CFI: variants seen among roughly 807,000 people sequenced by gnomAD.
CFI encodes complement factor I.
CFI carries 66 observed loss-of-function variants against 78.8 expected under a neutral mutation model. That is an observed-to-expected ratio of 0.84 (90% CI 0.69 to 1.03). The LOEUF is 1.03. CFI is among the 50% of genes least tolerant of loss of function. The pLI, the probability that CFI is intolerant of heterozygous loss-of-function variation, is 0.00. For synonymous variants in CFI, 250 were observed against 232.6 expected (o/e 1.07, Z -0.68); for missense variants, 706 against 704.5 (o/e 1.00, Z -0.02).
At chr4:109,786,264 C>T (rs1423521685) in intron 1 of CFI, among the ~76,000 whole-genome samples, 1 of 152,098 alleles carries the variant, frequency 6.6e-6, no homozygotes, top group African/African-American at 2.4e-5. Context: ...CTCCTGACCT[C>T]CATTAATCCA....
chr4:109,772,907 T>C (rs768042412), intron 1 of CFI, among the ~76,000 whole-genome samples: 23 of 152,158 alleles, frequency 1.5e-4, no homozygotes, highest in Non-Finnish European at 3.4e-4. Flanking sequence ...ATGTTTAGTT[T>C]TGTGGTAAAC....
At chr4:109,775,707 T>C (rs899029493) in intron 1 of CFI, among the ~76,000 whole-genome samples, 1 of 152,140 alleles carries the variant, frequency 6.6e-6, no homozygotes, top group Non-Finnish European at 1.5e-5. Context: ...CTCAAGTGGG[T>C]TCATGACCCC....
At chr4:109,781,500 A>G (rs6815712) in intron 1 of CFI, among the ~76,000 whole-genome samples, 9,557 of 152,218 alleles carry the variant, frequency 0.063, 416 homozygotes, top group Non-Finnish European at 0.094. Flanking sequence ...AATCAGCCAT[A>G]TTGAAATGGT....
chr4:109,779,932 A>G (rs1729781945), intron 1 of CFI, among the ~76,000 whole-genome samples: 1 of 152,212 alleles, frequency 6.6e-6, no homozygotes, highest in Non-Finnish European at 1.5e-5. Flanking sequence ...AGCCATAAGT[A>G]GAAAGCTGAA....
intron 11 of CFI, among the ~76,000 whole-genome samples, chr4:109,745,569 A>G (rs965039218): frequency 6.6e-6 from 1 of 152,226 alleles, no homozygotes; most frequent in African/African-American, 2.4e-5. Context: ...CTGAGTGTCC[A>G]CATCTTTTAT....
rs771843188 is a variant in CFI at position 109,761,575 on chromosome 4, C to G, written c.600G>C (p.Lys200Asn). The change falls in exon 4 of 13, where the codon AAG becomes AAC. Residue 200 changes from lysine to asparagine, a missense_variant. By Grantham distance (94) the Lys-to-Asn change is moderately conservative. Coordinates refer to ENST00000394634, the MANE Select transcript of CFI (RefSeq NM_000204.5). ...AATCCTGGTAACCCATAGTTCTTCT[C>G]TTAGTAAAAGTACATTCAGCCAAAC... ...ETSLAECTFT[K>N]RRTMGYQDFA... The G allele has an allele frequency of 6.2e-7, 1 of 1,614,126 alleles. No homozygotes were observed. The highest frequency in any genetic ancestry group is 2.2e-5 in the East Asian group (1 of 44,870).
At position 109,791,180 on chromosome 4, in the gene CFI, G is replaced by A. The variant is rs189638033; in HGVS notation, c.57+10735C>T. On this transcript the variant is annotated intron_variant, in intron 1 of 12. Transcript: ENST00000394634. ...TGGTATTTCATTGTGGTTTTAATTT[G>A]CATTTATCCAGTGATCACTGATGTT... Among the ~76,000 whole-genome samples, 693 of 152,056 alleles carry A rather than the reference G, an allele frequency of 4.6e-3. 2 individuals are homozygous for A. The highest frequency in any genetic ancestry group is 0.012 in the Admixed American group (187 of 15,274).
intron 1 of CFI, among the ~76,000 whole-genome samples, chr4:109,770,299 C>T (rs539898935): frequency 4.6e-5 from 7 of 152,134 alleles, no homozygotes; most frequent in Non-Finnish European, 7.4e-5. Flanking sequence ...GTGGCTCACG[C>T]CTGTAATCCC....
At chr4:109,754,049 TCTC>T in intron 7 of CFI, among the ~76,000 whole-genome samples, 1 of 151,396 alleles carries the variant, frequency 6.6e-6, no homozygotes, top group East Asian at 1.9e-4. Flanking sequence ...GGTGGCACGA[TCTC>T]GGCTCACTGC....
At chr4:109,756,461 G>T (rs941640258) in intron 7 of CFI, among the ~76,000 whole-genome samples, 10 of 151,622 alleles carry the variant, frequency 6.6e-5, no homozygotes, top group African/African-American at 2.4e-4. Flanking sequence ...GGAGGAAGAG[G>T]AGGAGGAGGA....
At position 109,800,323 on chromosome 4, in the gene CFI, T is replaced by G. The variant is rs867234892; in HGVS notation, c.57+1592A>C. Among the ~76,000 whole-genome samples the G allele has an allele frequency of 6.2e-3, 82 of 13,150 alleles. 1 individual carries two copies. The highest frequency in any genetic ancestry group is 9.7e-3 in the African/African-American group (79 of 8,114). The allele number at this position is 13,150 out of a possible 152,430, so 8.6% of individuals were successfully genotyped here. ...TGACTGAAATATTTGGCTTCTCTGT[T>G]TTTTTTTTTTTTTTTTTTTTTTTTT... On this transcript the variant is annotated intron_variant, in intron 1 of 12. Transcript: ENST00000394634.
chr4:109,774,766 A>G (rs1407072005), intron 1 of CFI, among the ~76,000 whole-genome samples: 1 of 152,202 alleles, frequency 6.6e-6, no homozygotes, highest in African/African-American at 2.4e-5. Flanking sequence ...AGATGGCACA[A>G]AAGCAATAAA....
chr4:109,771,930 G>T (rs1199208169), intron 1 of CFI, among the ~76,000 whole-genome samples: 2 of 151,644 alleles, frequency 1.3e-5, no homozygotes, highest in African/African-American at 2.4e-5. Context: ...AGAGAGAGGG[G>T]GAAATTGTTG....
At chr4:109,757,817 G>C (rs1375974989) in intron 6 of CFI, 34 bp from the exon 7 acceptor site, 7 of 1,299,408 alleles carry the variant, frequency 5.4e-6, no homozygotes, top group Non-Finnish European at 7.2e-6. Flanking sequence ...TTTATCAAAG[G>C]ATAATTTTTG....
rs200809675 is a variant in CFI at position 109,779,954 on chromosome 4, TCCTTATAAGGTGTATATTTACA to T, written c.58-13152_58-13131del. ...AGTAGAAAGCTGAAACTGGATCCCT[TCCTTATAAGGTGTATATTTACA>T]CCTTATAAAAAATTAATTCAAGATG... On this transcript the variant is annotated intron_variant, in intron 1 of 12. Transcript: ENST00000394634. Among the ~76,000 whole-genome samples the T allele has an allele frequency of 9.0e-3, 1,365 of 152,116 alleles. 55 individuals are homozygous for T. The East Asian group carries it at 0.13, about 14-fold the overall frequency.
chr4:109,752,529 G>T, intron 7 of CFI, 26 bp from the exon 8 acceptor site: 1 of 1,579,706 alleles, frequency 6.3e-7, no homozygotes, highest in Non-Finnish European at 8.7e-7. Flanking sequence ...AGATTCCAAT[G>T]TTTAAAGTTG....
chr4:109,772,839 C>A (rs1429030924), intron 1 of CFI, among the ~76,000 whole-genome samples: 1 of 152,158 alleles, frequency 6.6e-6, no homozygotes, highest in African/African-American at 2.4e-5. Context: ...CCATCTCAGC[C>A]TCCCAACATG....
At chr4:109,761,097 CA>C (rs776124892) in intron 4 of CFI, among the ~76,000 whole-genome samples, 13 of 152,114 alleles carry the variant, frequency 8.5e-5, no homozygotes, top group Non-Finnish European at 1.8e-4. Flanking sequence ...ATTCCAGTGT[CA>C]GGAAGGAGGA....
Position 109,801,986 on chromosome 4 carries a change from G to T in CFI, c.-15C>A. On this transcript the variant is annotated 5_prime_UTR_variant, in exon 1 of 13. Transcript: ENST00000394634. ...AGAAGCTTCATGTTGGAGGTGTTCGGGGTCTTTGTCTCTGCTGAGAACTCT... is the reference window on the plus strand; with the variant it reads ...AGAAGCTTCATGTTGGAGGTGTTCGTGGTCTTTGTCTCTGCTGAGAACTCT... 6.2e-7 allele frequency: 1 copy of T among 1,605,860 alleles called. No homozygotes were observed. The highest frequency in any genetic ancestry group is 1.3e-5 in the African/African-American group (1 of 74,862).
Sources: gnomAD v4.1 joint callset for allele counts (sites outside exome capture counted in the v4.1 genomes callset) on GRCh38, gnomAD v4.1.1 for gene constraint, MANE v1.5 for transcripts, NCBI Gene and HGNC (gene_info 2026-07-23, HGNC 2026-07-21) for gene names.